The following MCTP1 variants were observed in gnomAD, a reference collection of about 807,000 sequenced individuals.
MCTP1 encodes multiple C2 and transmembrane domain-containing protein 1.
Under a neutral mutation model 120.6 loss-of-function variants are expected in MCTP1, and 69 were observed. The ratio of observed to expected loss-of-function variants is 0.57; its 90% CI spans 0.47 to 0.70. The LOEUF is 0.70. Among genes scored for constraint, MCTP1 ranks in the 30% least tolerant of loss-of-function variants. The probability of loss-of-function intolerance (pLI) is 0.00; values close to 1 mark genes in which losing one functional copy is unlikely to be tolerated. For missense variants in MCTP1, 1,203 were observed against 1,248.8 expected (o/e 0.96, Z 0.55); for synonymous variants, 529 against 493.1 (o/e 1.07, Z -0.96).
At chr5:94,787,613 T>TG (rs1485869258) in intron 18 of MCTP1, among the ~76,000 whole-genome samples, 1 of 144,152 alleles carries the variant, frequency 6.9e-6, no homozygotes, top group Non-Finnish European at 1.5e-5. Flanking sequence ...GCACTTACTG[T>TG]TTTTTTTTGT....
At chr5:94,713,098 A>G (rs1457430360) in intron 20 of MCTP1, among the ~76,000 whole-genome samples, 1 of 152,142 alleles carries the variant, frequency 6.6e-6, no homozygotes, top group Non-Finnish European at 1.5e-5. Context: ...TTCTGGAATG[A>G]TTATTTAGTA....
intron 1 of MCTP1, among the ~76,000 whole-genome samples, chr5:95,201,141 A>G (rs1477025696): frequency 6.6e-6 from 1 of 152,220 alleles, no homozygotes; most frequent in Non-Finnish European, 1.5e-5. Context: ...TCTTTTGCAC[A>G]CCAAACTTTA....
intron 3 of MCTP1, among the ~76,000 whole-genome samples, chr5:94,945,944 C>T (rs1581492705): frequency 6.6e-6 from 1 of 152,284 alleles, no homozygotes; most frequent in Admixed American, 6.5e-5. Flanking sequence ...AGTGCTGGAA[C>T]ATTAGTTCAG....
Position 94,888,966 on chromosome 5 carries a change from A to T in MCTP1, c.1846T>A (p.Leu616Met), listed in dbSNP as rs1362916555. The T allele has an allele frequency of 6.2e-7, 1 of 1,611,446 alleles. No individual in the cohort carries two copies. The highest frequency in any genetic ancestry group is 1.1e-5 in the South Asian group (1 of 91,018). Residue 616 changes from leucine (L) to methionine (M), a missense_variant, in exon 12 of 23, where the codon TTG becomes ATG. Around this residue, in one of 2 missense-constraint regions of MCTP1, gnomAD observed 740 missense variants for 871.1 expected, o/e 0.85. Transcript: ENST00000515393. ...TCTTTCAGGTTGTGAAATATCCTCAATGGGCTCTGAAAGACCCCAACATCA... is the reference window on the plus strand; with the variant it reads ...TCTTTCAGGTTGTGAAATATCCTCATTGGGCTCTGAAAGACCCCAACATCA... ...REEILKRYSP[L>M]RIFHNLKDVG...
At chr5:94,928,740 T>C (rs1464109373) in intron 6 of MCTP1, among the ~76,000 whole-genome samples, 1 of 152,172 alleles carries the variant, frequency 6.6e-6, no homozygotes, top group African/African-American at 2.4e-5. Flanking sequence ...CATTCAAATA[T>C]AATGCATATT....
chr5:94,940,616 G>GTATATATATATACACATATACATATCTA (rs959736219), intron 4 of MCTP1, among the ~76,000 whole-genome samples: 1 of 142,056 alleles, frequency 7.0e-6, no homozygotes, highest in Non-Finnish European at 1.5e-5. Flanking sequence ...ACATATATAT[G>GTATATATATATACACATATACATATCTA]TGTATATATA....
At chr5:94,828,082 T>C (rs892169085) in intron 17 of MCTP1, among the ~76,000 whole-genome samples, 1 of 152,216 alleles carries the variant, frequency 6.6e-6, no homozygotes, top group Non-Finnish European at 1.5e-5. Flanking sequence ...TGGTTTTTCC[T>C]CATCTTCATG....
rs70978170 is a variant in MCTP1 at position 95,134,992 on chromosome 5, C to CAAAA, written c.721-117512_721-117509dup. On this transcript the variant is annotated intron_variant, in intron 1 of 22. Coordinates refer to ENST00000515393, the MANE Select transcript of MCTP1 (RefSeq NM_024717.7). ...TCTCGATTTACTGTTGCCTGATGGCCAAAAAAAAAAAAAAAAAAAAAAAAA... is the reference window on the plus strand; with the variant it reads ...TCTCGATTTACTGTTGCCTGATGGCCAAAAAAAAAAAAAAAAAAAAAAAAAAAAA... Among the ~76,000 whole-genome samples the CAAAA allele has an allele frequency of 1.8e-3, 64 of 35,344 alleles. 8 individuals carry two copies. Among genetic ancestry groups the CAAAA allele is most frequent in the Non-Finnish European group, 2.6e-3 (50 of 19,218 alleles). The allele number at this position is 35,344 out of a possible 152,430, so 23.2% of individuals were successfully genotyped here. A position where few individuals can be genotyped will look rare whatever the true frequency, so the allele number is the denominator to read the frequency against.
Position 94,705,115 on chromosome 5 carries a change from T to C in MCTP1, c.*2381A>G, listed in dbSNP as rs1008546479. On this transcript the variant is annotated 3_prime_UTR_variant, in exon 23 of 23. Transcript: ENST00000515393. ...TAATAGTTAGCAGTCCAAGTAGATG[T>C]TTGAGTGACATTCAGTCTCTTAAGA... 11 of 151,592 alleles carry C rather than the reference T, an allele frequency of 7.3e-5. No individual in the cohort carries two copies. The highest frequency in any genetic ancestry group is 2.0e-4 in the Admixed American group (3 of 15,176). The allele number at this position is 151,592 out of a possible 1,614,324, so 9.4% of individuals were successfully genotyped here. A position where few individuals can be genotyped will look rare whatever the true frequency, so the allele number is the denominator to read the frequency against.
chr5:94,964,124 T>C (rs1825029530), intron 2 of MCTP1, among the ~76,000 whole-genome samples: 1 of 152,204 alleles, frequency 6.6e-6, no homozygotes, highest in African/African-American at 2.4e-5. Flanking sequence ...GGGCTCTGTA[T>C]TCTGCTTTGT....
At chr5:95,083,094 T>C (rs1165621118) in intron 1 of MCTP1, among the ~76,000 whole-genome samples, 2 of 152,192 alleles carry the variant, frequency 1.3e-5, no homozygotes, top group East Asian at 1.9e-4. Flanking sequence ...CAGGAGGCTA[T>C]TGACATGGTC....
chr5:94,929,923 A>C (rs1300843273), intron 6 of MCTP1, among the ~76,000 whole-genome samples: 1 of 152,140 alleles, frequency 6.6e-6, no homozygotes, highest in Non-Finnish European at 1.5e-5. Flanking sequence ...ATCCCCATTA[A>C]ATTTTTCAAA....
intron 13 of MCTP1, 93 bp downstream of exon 13, chr5:94,873,046 A>G: frequency 2.6e-6 from 2 of 756,894 alleles, no homozygotes; most frequent in South Asian, 3.0e-5. Flanking sequence ...TGAATCAGTT[A>G]AGAATAAACA....
At chr5:95,222,695 T>C (rs114756113) in intron 1 of MCTP1, among the ~76,000 whole-genome samples, 2,038 of 152,346 alleles carry the variant, frequency 0.013, 50 homozygotes, top group African/African-American at 0.045. Flanking sequence ...CCTTTTTCTA[T>C]GCAGGCCTTA....
intron 1 of MCTP1, among the ~76,000 whole-genome samples, chr5:95,102,595 T>C (rs548303657): frequency 6.6e-6 from 1 of 152,320 alleles, no homozygotes; most frequent in South Asian, 2.1e-4. Context: ...TGTGGGGCAG[T>C]TCTGTGCTAA....
chr5:94,854,617 A>G (rs1366980959), intron 17 of MCTP1, among the ~76,000 whole-genome samples: 1 of 151,842 alleles, frequency 6.6e-6, no homozygotes, highest in African/African-American at 2.4e-5. Context: ...GGAGTAGGTG[A>G]CCAACTTGAG....
intron 1 of MCTP1, among the ~76,000 whole-genome samples, chr5:95,135,639 A>G (rs1759394862): frequency 6.6e-6 from 1 of 152,164 alleles, no homozygotes; most frequent in South Asian, 2.1e-4. Flanking sequence ...CCCGTGTTGG[A>G]TGCTTCCTGC....
chr5:94,763,831 TTC>T (rs1160754740), intron 19 of MCTP1, among the ~76,000 whole-genome samples: 2 of 152,148 alleles, frequency 1.3e-5, no homozygotes, highest in African/African-American at 4.8e-5. Flanking sequence ...TTTTAAAACT[TTC>T]TGAGACTTTG....
chr5:95,057,112 G>A (rs1459830448), intron 1 of MCTP1, among the ~76,000 whole-genome samples: 1 of 151,952 alleles, frequency 6.6e-6, no homozygotes, highest in African/African-American at 2.4e-5. Flanking sequence ...GGAAAAATAA[G>A]ACTAGAAGCA....
Sources: gnomAD v4.1 joint callset for allele counts (sites outside exome capture counted in the v4.1 genomes callset) on GRCh38, gnomAD v4.1.1 for gene constraint, gnomAD v4.1.1 regional missense constraint, MANE v1.5 for transcripts, NCBI Gene and HGNC (gene_info 2026-07-23, HGNC 2026-07-21) for gene names.